The following SULT1B1 variants were observed in gnomAD, a reference collection of about 807,000 sequenced individuals.
The protein encoded by SULT1B1 is sulfotransferase family 1B member 1.
SULT1B1 carries 28 observed loss-of-function variants against 34.6 expected under a neutral mutation model. The observed-to-expected ratio is 0.81, with a 90% CI of 0.60 to 1.11. The LOEUF (loss-of-function observed/expected upper bound fraction) is 1.11. Among genes scored for constraint, SULT1B1 ranks in the 50% least tolerant of loss-of-function variants. SULT1B1 has a pLI of 0.00. For missense variants in SULT1B1, 374 were observed against 352.2 expected (o/e 1.06, Z -0.50); for synonymous variants, 147 against 110.2 (o/e 1.33, Z -2.09).
At position 69,724,871 on chromosome 4, in the gene SULT1B1, C is replaced by A. The variant is rs560360809; in HGVS notation, c.*2217G>T. 6.6e-6 allele frequency: 1 copy of A among 152,074 alleles called. No individual in the cohort carries two copies. Among genetic ancestry groups the A allele is most frequent in the Admixed American group, 6.5e-5 (1 of 15,270 alleles). 9.4% of individuals were successfully genotyped at this position (152,074 alleles called of 1,614,324 possible). On this transcript the variant is annotated 3_prime_UTR_variant, in exon 8 of 8. Coordinates refer to ENST00000310613, the MANE Select transcript of SULT1B1 (RefSeq NM_014465.4). ...CTTACACCTTATACAAAAATTAATT[C>A]AAGATGGATTAAAGACTTAAATGTA... is the stretch of plus-strand genomic sequence containing the variant.
At chr4:69,735,890 A>C (rs189047455) in intron 4 of SULT1B1, among the ~76,000 whole-genome samples, 1 of 152,290 alleles carries the variant, frequency 6.6e-6, no homozygotes, top group Admixed American at 6.5e-5. Flanking sequence ...AGAACCAAAA[A>C]TCAGGTGAGC....
intron 6 of SULT1B1, among the ~76,000 whole-genome samples, chr4:69,731,400 A>G (rs1027694688): frequency 6.6e-6 from 1 of 152,200 alleles, no homozygotes; most frequent in East Asian, 1.9e-4. Flanking sequence ...CACCCTGTTC[A>G]TGGAAAAATT....
chr4:69,755,264 G>A lies in SULT1B1; in HGVS notation c.-44-3C>T. On this transcript the variant is annotated splice_region_variant and splice_polypyrimidine_tract_variant and intron_variant, in intron 1 of 7. Coordinates refer to ENST00000310613, the MANE Select transcript of SULT1B1 (RefSeq NM_014465.4). ...TATATAATAGATTGACAGTTGTTCT[G>A]GAGAAATATAGAGAATAAAAATCAG... The A allele has an allele frequency of 6.3e-7, 1 of 1,583,934 alleles. No homozygotes were observed. The highest frequency in any genetic ancestry group is 8.7e-7 in the Non-Finnish European group (1 of 1,156,018).
intron 1 of SULT1B1, among the ~76,000 whole-genome samples, chr4:69,757,322 C>T (rs955678059): frequency 1.3e-5 from 2 of 152,050 alleles, no homozygotes; most frequent in South Asian, 2.1e-4. Context: ...TAGATGAAAT[C>T]GCATTGCTTC....
chr4:69,751,612 C>T (rs989724623), intron 3 of SULT1B1, among the ~76,000 whole-genome samples: 3 of 152,140 alleles, frequency 2.0e-5, no homozygotes, highest in East Asian at 1.9e-4. Context: ...CCACCACGCC[C>T]GGCTAATTTT....
rs756597048 is a variant in SULT1B1 at position 69,755,077 on chromosome 4, A to C, written c.141T>G (p.Pro47=). 1.2e-6 allele frequency: 2 copies of C among 1,612,366 alleles called. No homozygotes were observed. ...RPDDIVIATY[P]KSGTTWVSEI... is the part of the protein sequence containing the mutation. ...TCAGGCCACAGAACTCACCTGATTT[A>C]GGATAAGTGGCTATCACAATGTCAT... is the stretch of plus-strand genomic sequence containing the variant. Residue 47 remains proline (P), a synonymous_variant, in exon 2 of 8, where the codon CCT becomes CCG. Transcript: ENST00000310613.
In SULT1B1 at chr4:69,749,724, G is replaced by A. The variant is rs1376084676; in HGVS notation, c.372C>T (p.Cys124=). The change falls in exon 4 of 8, where the codon TGC becomes TGT. Residue 124 remains cysteine, a synonymous_variant. Coordinates refer to ENST00000310613, the MANE Select transcript of SULT1B1 (RefSeq NM_014465.4). The stretch of plus-strand genomic sequence containing the variant: ...TGACATGGAGTCTGGAGTATACCTT[G>A]CAATTGTTTTCCCAGAAAGATTTAG... The part of the protein sequence containing the change: ...LLPKSFWENN[C]KMIYLARNAK... The A allele has an allele frequency of 3.1e-6, 5 of 1,611,200 alleles. No homozygotes were observed. The highest frequency in any genetic ancestry group is 1.3e-5 in the African/African-American group (1 of 74,986).
chr4:69,731,241 T>A (rs1718069863), intron 6 of SULT1B1, among the ~76,000 whole-genome samples: 2 of 152,166 alleles, frequency 1.3e-5, no homozygotes, highest in Non-Finnish European at 2.9e-5. Flanking sequence ...AGATCAGTGG[T>A]GCCATTAGAT....
chr4:69,728,570 C>T (rs192640255), intron 7 of SULT1B1, among the ~76,000 whole-genome samples: 2 of 151,618 alleles, frequency 1.3e-5, no homozygotes, highest in African/African-American at 4.8e-5. Flanking sequence ...TATAGTTATT[C>T]ATGAAGAAGT....
At chr4:69,736,012 C>T (rs995694861) in intron 4 of SULT1B1, among the ~76,000 whole-genome samples, 4 of 152,108 alleles carry the variant, frequency 2.6e-5, no homozygotes, top group Non-Finnish European at 4.4e-5. Flanking sequence ...TAGTAGCAGC[C>T]GTGTGGCATG....
chr4:69,733,514 C>A lies in SULT1B1; in HGVS notation c.503-7G>T. On this transcript the variant is annotated splice_polypyrimidine_tract_variant and splice_region_variant and intron_variant, in intron 5 of 7. Transcript: ENST00000310613. Reference sequence around the variant, plus strand: ...AACCAGGAACCATAGGCCACTAAAACCAGATAAAAGTCTATTTTCATAAAC... The same window carrying A: ...AACCAGGAACCATAGGCCACTAAAAACAGATAAAAGTCTATTTTCATAAAC... 1 of 1,573,864 alleles carries A rather than the reference C, an allele frequency of 6.4e-7. No individual in the cohort carries two copies. Among genetic ancestry groups the A allele is most frequent in the East Asian group, 2.3e-5 (1 of 43,160 alleles).
rs1486374120 is a variant in SULT1B1 at position 69,723,031 on chromosome 4, C to T, written c.*4057G>A. 4 of 152,028 alleles carry T rather than the reference C, an allele frequency of 2.6e-5. No individual in the cohort carries two copies. The highest frequency in any genetic ancestry group is 9.7e-5 in the African/African-American group (4 of 41,396). The allele number at this position is 152,028 out of a possible 1,614,324, so 9.4% of individuals were successfully genotyped here. A position where few individuals can be genotyped will look rare whatever the true frequency, so the allele number is the denominator to read the frequency against. On this transcript the variant is annotated 3_prime_UTR_variant, in exon 8 of 8. Coordinates refer to ENST00000310613, the MANE Select transcript of SULT1B1 (RefSeq NM_014465.4). ...AGCTGGAGTTAAGATCAGAGCATAA[C>T]TGAAGGAGACAAAGACACAAAAACC...
rs751846773 is a variant in SULT1B1, at chr4:69,730,706, A to G, written c.598-25T>C. 3 of 1,589,572 alleles carry G rather than the reference A, an allele frequency of 1.9e-6. No individual in the cohort carries two copies. The Admixed American group carries it at 5.2e-5, about 27-fold the overall frequency. On this transcript the variant is annotated intron_variant, in intron 6 of 7. Coordinates refer to ENST00000310613, the MANE Select transcript of SULT1B1 (RefSeq NM_014465.4). ...TCTATTAGTGGGTAAAACCCAAGAC[A>G]ATAAACAAGTAACTCACACAATGTG... is the stretch of plus-strand genomic sequence containing the variant.
intron 6 of SULT1B1, among the ~76,000 whole-genome samples, chr4:69,732,970 T>G (rs1355834145): frequency 6.6e-6 from 1 of 152,056 alleles, no homozygotes; most frequent in African/African-American, 2.4e-5. Context: ...AATACAAGCA[T>G]GGGCTAGAAA....
At chr4:69,739,389 C>T (rs1578054736) in intron 4 of SULT1B1, among the ~76,000 whole-genome samples, 1 of 152,204 alleles carries the variant, frequency 6.6e-6, no homozygotes, top group Non-Finnish European at 1.5e-5. Context: ...GACTTCAGTG[C>T]ACCCACAAGC....
chr4:69,727,170 G>C lies in SULT1B1; in HGVS notation c.809C>G (p.Thr270Ser), dbSNP rs749342294. The change falls in exon 8 of 8, where the codon ACC becomes AGC. Residue 270 changes from threonine to serine, a missense_variant. Physicochemically the swap from Thr to Ser is moderately conservative, Grantham distance 58. Transcript: ENST00000310613. ...GTAGDWKNYF[T>S]VAQNEKFDAI... ...ATCAAATTTCTCATTTTGGGCCACG[G>C]TGAAGTAATTCTTCCAGTCACCAGC... The C allele has an allele frequency of 1.2e-6, 2 of 1,611,150 alleles. No individual in the cohort carries two copies. The highest frequency in any genetic ancestry group is 4.5e-5 in the East Asian group (2 of 44,756).
At position 69,727,079 on chromosome 4, in the gene SULT1B1, T is replaced by G; in HGVS notation, c.*9A>C. The G allele has an allele frequency of 1.9e-6, 3 of 1,587,908 alleles. No homozygotes were observed. Among genetic ancestry groups the G allele is most frequent in the Non-Finnish European group, 2.6e-6 (3 of 1,165,572 alleles). ...TCTCTTATTTCTTCAGATGTGTGATTTAGACACTTTAAATCTCTGTGCGGA... is the reference window on the plus strand; with the variant it reads ...TCTCTTATTTCTTCAGATGTGTGATGTAGACACTTTAAATCTCTGTGCGGA... On this transcript the variant is annotated 3_prime_UTR_variant, in exon 8 of 8. Coordinates refer to ENST00000310613, the MANE Select transcript of SULT1B1 (RefSeq NM_014465.4).
intron 6 of SULT1B1, 46 bp from the exon 7 acceptor site, chr4:69,730,727 A>AGTAACTTAAGG: frequency 6.6e-7 from 1 of 1,505,540 alleles, no homozygotes; most frequent in Non-Finnish European, 9.1e-7. Flanking sequence ...AACTCACACA[A>AGTAACTTAAGG]TGTGAATATT....
At chr4:69,758,346 T>A (rs1018838539) in intron 1 of SULT1B1, 49 of 985,276 alleles carry the variant, frequency 5.0e-5, no homozygotes, top group Non-Finnish European at 5.9e-5. Context: ...CCTTCTCAGT[T>A]TGGATATAAA....
Sources: gnomAD v4.1 joint callset for allele counts (sites outside exome capture counted in the v4.1 genomes callset) on GRCh38, gnomAD v4.1.1 for gene constraint, MANE v1.5 for transcripts, NCBI Gene and HGNC (gene_info 2026-07-23, HGNC 2026-07-21) for gene names.